The following LPP variants were observed in gnomAD, a reference collection of about 807,000 sequenced individuals.
The protein encoded by LPP is lipoma-preferred partner.
A neutral mutation model predicts 60.4 loss-of-function variants in LPP; 38 were observed. The ratio of observed to expected loss-of-function variants is 0.63; its 90% CI spans 0.49 to 0.83. The LOEUF is 0.83. Ranked by LOEUF, LPP falls within the 40% of genes least tolerant of loss-of-function variation. The pLI is 0.00. For missense variants in LPP, 902 were observed against 783.6 expected, an observed-to-expected ratio of 1.15 and a Z score of -1.80; for synonymous variants, 328 against 290.8, an observed-to-expected ratio of 1.13 and a Z score of -1.30.
chr3:188,686,380 C>T (rs917081135), intron 7 of LPP, among the ~76,000 whole-genome samples: 1 of 152,128 alleles, frequency 6.6e-6, no homozygotes, highest in Non-Finnish European at 1.5e-5. Flanking sequence ...TTCAGTTAGT[C>T]CCCACAGCTT....
At chr3:188,330,510 A>T (rs916324514) in intron 2 of LPP, among the ~76,000 whole-genome samples, 2 of 151,918 alleles carry the variant, frequency 1.3e-5, no homozygotes, top group Non-Finnish European at 2.9e-5. Flanking sequence ...TTCTTCTTTC[A>T]TGTCTTTCTT....
At position 188,495,082 on chromosome 3, in the gene LPP, A is replaced by ATATATATT. The variant is rs1342207321; in HGVS notation, c.306+10379_306+10380insATATATTT. On this transcript the variant is annotated intron_variant, in intron 5 of 11. Coordinates refer to ENST00000617246, the MANE Select transcript of LPP (RefSeq NM_001375462.1). ...CAGGATTTTATATATATATATATAT[A>ATATATATT]TTTTATTTATATTTTATTATATATT... Among the ~76,000 whole-genome samples the ATATATATT allele has an allele frequency of 6.4e-4, 62 of 97,244 alleles. 3 individuals carry two copies. The highest frequency in any genetic ancestry group is 2.4e-3 in the African/African-American group (59 of 25,080). The allele number at this position is 97,244 out of a possible 152,430, so 63.8% of individuals were successfully genotyped here. A position where few individuals can be genotyped will look rare whatever the true frequency, so the allele number is the denominator to read the frequency against.
chr3:188,811,150 A>G lies in LPP; in HGVS notation c.1410+50868A>G, dbSNP rs559773658. Among the ~76,000 whole-genome samples the G allele has an allele frequency of 2.0e-5, 3 of 152,216 alleles. No homozygotes were observed. The South Asian group carries it at 6.2e-4, about 32-fold the overall frequency. ...TTATTGATATAAAAATTTTCAATGA[A>G]GTATAACTCATAGAAAAGTGTACCT... On this transcript the variant is annotated intron_variant, in intron 9 of 11. Coordinates refer to ENST00000617246, the MANE Select transcript of LPP (RefSeq NM_001375462.1).
At chr3:188,401,212 C>G (rs1782163218) in intron 3 of LPP, among the ~76,000 whole-genome samples, 1 of 152,148 alleles carries the variant, frequency 6.6e-6, no homozygotes, top group African/African-American at 2.4e-5. Flanking sequence ...CTCTTGTTAT[C>G]TTCCTATTCA....
intron 9 of LPP, among the ~76,000 whole-genome samples, chr3:188,826,773 A>AC (rs147165996): frequency 0.017 from 2,521 of 149,714 alleles, 37 homozygotes; most frequent in South Asian, 0.053. Context: ...TCATCTCTGG[A>AC]CCCCCCCCAC....
chr3:188,222,150 A>T (rs1344224602), intron 1 of LPP, among the ~76,000 whole-genome samples: 1 of 152,232 alleles, frequency 6.6e-6, no homozygotes, highest in East Asian at 1.9e-4. Context: ...GAGGCCATTT[A>T]AAAATAGCAT....
intron 4 of LPP, among the ~76,000 whole-genome samples, chr3:188,451,419 C>A (rs975047118): frequency 5.3e-5 from 8 of 152,124 alleles, no homozygotes; most frequent in African/African-American, 1.9e-4. Flanking sequence ...TCAAGGAAGG[C>A]CATTTTACTG....
chr3:188,760,406 T>TA, intron 9 of LPP, 124 bp downstream of exon 9: 1 of 623,910 alleles, frequency 1.6e-6, no homozygotes, highest in Non-Finnish European at 2.6e-6. Flanking sequence ...AATGTGTGTG[T>TA]GGGGTGTGTG....
chr3:188,704,933 C>G (rs1439856558), intron 7 of LPP, among the ~76,000 whole-genome samples: 1 of 151,914 alleles, frequency 6.6e-6, no homozygotes, highest in African/African-American at 2.4e-5. Flanking sequence ...TTCCACCTGT[C>G]CAGACCGAAA....
chr3:188,572,208 G>T lies in LPP; in HGVS notation c.430-36953G>T, dbSNP rs1364525985. Among the ~76,000 whole-genome samples the T allele has an allele frequency of 6.6e-6, 1 of 151,768 alleles. No homozygotes were observed. The highest frequency in any genetic ancestry group is 2.4e-5 in the African/African-American group (1 of 41,312). ...ATTTTGCTTTTTATGTATGTAGAGGGGTGACATATGATAAAAAAACTATGG... is the reference window on the plus strand; with the variant it reads ...ATTTTGCTTTTTATGTATGTAGAGGTGTGACATATGATAAAAAAACTATGG... On this transcript the variant is annotated intron_variant, in intron 6 of 11. Coordinates refer to ENST00000617246, the MANE Select transcript of LPP (RefSeq NM_001375462.1). This position sits in a 1 kb window ranked among gnomAD's most constrained non-coding sequence, Gnocchi z 4.1.
At chr3:188,600,029 C>T (rs944867233) in intron 6 of LPP, among the ~76,000 whole-genome samples, 2 of 151,708 alleles carry the variant, frequency 1.3e-5, no homozygotes, top group African/African-American at 2.4e-5. Flanking sequence ...AAAATTTTCT[C>T]TTAACTGCCT....
At chr3:188,508,547 G>C (rs1014868092) in intron 5 of LPP, among the ~76,000 whole-genome samples, 16 of 152,300 alleles carry the variant, frequency 1.1e-4, no homozygotes, top group African/African-American at 3.8e-4. Flanking sequence ...AGCTCCAACA[G>C]GGTGCTATGA....
chr3:188,796,901 A>G (rs1216089843), intron 9 of LPP, among the ~76,000 whole-genome samples: 2 of 152,116 alleles, frequency 1.3e-5, no homozygotes, highest in Non-Finnish European at 2.9e-5. Context: ...AATCTTCAAA[A>G]TATCCTTCTG....
intron 3 of LPP, among the ~76,000 whole-genome samples, chr3:188,401,008 C>T (rs1271649517): frequency 6.6e-6 from 1 of 152,136 alleles, no homozygotes; most frequent in Non-Finnish European, 1.5e-5. Context: ...AAAGAAAGCA[C>T]TCTAAAATAT....
chr3:188,690,791 A>G (rs1185403771), intron 7 of LPP, among the ~76,000 whole-genome samples: 4 of 152,152 alleles, frequency 2.6e-5, no homozygotes, highest in Non-Finnish European at 5.9e-5. Flanking sequence ...CCCTACCTGT[A>G]CTACCTGTTA....
chr3:188,249,907 T>A (rs1409301599), intron 2 of LPP, among the ~76,000 whole-genome samples: 1 of 149,876 alleles, frequency 6.7e-6, no homozygotes, highest in Non-Finnish European at 1.5e-5. Flanking sequence ...ATATATTTTT[T>A]TTTTTTCCAG....
At chr3:188,381,928 T>C (rs1777008835) in intron 3 of LPP, among the ~76,000 whole-genome samples, 1 of 151,338 alleles carries the variant, frequency 6.6e-6, no homozygotes, top group African/African-American at 2.5e-5. Flanking sequence ...ACTACAGGTG[T>C]GACCCGATAC....
At chr3:188,509,074 A>G (rs188826661) in intron 5 of LPP, among the ~76,000 whole-genome samples, 2 of 152,034 alleles carry the variant, frequency 1.3e-5, no homozygotes, top group African/African-American at 4.8e-5. Context: ...TCCTTTCAAA[A>G]CTCCAGTATT....
chr3:188,189,285 AC>A (rs1727474858), intron 1 of LPP, among the ~76,000 whole-genome samples: 1 of 152,060 alleles, frequency 6.6e-6, no homozygotes, highest in East Asian at 1.9e-4. Context: ...ACAGGGTTTC[AC>A]CATGTTTCCC....
Sources: allele counts gnomAD v4.1 joint callset (sites outside exome capture counted in the v4.1 genomes callset), GRCh38; gene constraint gnomAD v4.1.1; non-coding constraint Gnocchi (gnomAD v3.1); transcripts MANE v1.5; gene names NCBI Gene and HGNC (gene_info 2026-07-23, HGNC 2026-07-21).